FANCM: variants seen among roughly 807,000 people sequenced by gnomAD.
FANCM encodes the protein Fanconi anemia group M protein.
A neutral mutation model predicts 199.5 loss-of-function variants in FANCM; 140 were observed. That is an observed-to-expected ratio of 0.70 (90% CI 0.61 to 0.81). The LOEUF is 0.81. FANCM is among the 30% of genes least tolerant of loss of function. The pLI is 0.00. For synonymous variants in FANCM, 840 were observed against 836.8 expected (o/e 1.00, Z -0.07); for missense variants, 2,410 against 2,421.4 (o/e 1.00, Z 0.10).
chr14:45,198,003 G>A (rs1267606646), intron 21 of FANCM, among the ~76,000 whole-genome samples: 2 of 150,750 alleles, frequency 1.3e-5, no homozygotes, highest in Non-Finnish European at 3.0e-5. Context: ...TCTTGACCTC[G>A]TTATCTTCCT....
intron 20 of FANCM, among the ~76,000 whole-genome samples, chr14:45,190,722 ATT>A (rs796385554): frequency 2.4e-4 from 32 of 135,816 alleles, no homozygotes; most frequent in Admixed American, 3.0e-4. Context: ...AATTGTCCCC[ATT>A]TTTTTTTTTT....
chr14:45,195,161 T>C (rs1401471811), intron 20 of FANCM, among the ~76,000 whole-genome samples: 2 of 152,234 alleles, frequency 1.3e-5, no homozygotes, highest in Non-Finnish European at 2.9e-5. Flanking sequence ...AAATTTGTGT[T>C]TTTCTTTCCA....
At position 45,157,989 on chromosome 14, in the gene FANCM, G is replaced by T. The variant is rs117409135; in HGVS notation, c.1397-1107G>T. 6.1e-3 allele frequency among the ~76,000 whole-genome samples: 924 copies of T among 152,244 alleles called. 7 individuals are homozygous for T. Among genetic ancestry groups the T allele is most frequent in the Non-Finnish European group, 9.6e-3 (650 of 68,024 alleles). Reference sequence around the variant, plus strand: ...AGGTGGGCAGATCTCTTCAGCCCAGGAGTTCGAGACCAGCCTTGGCAACAT... The same window carrying T: ...AGGTGGGCAGATCTCTTCAGCCCAGTAGTTCGAGACCAGCCTTGGCAACAT... On this transcript the variant is annotated intron_variant, in intron 8 of 22. Coordinates refer to ENST00000267430, the MANE Select transcript of FANCM (RefSeq NM_020937.4).
chr14:45,152,060 G>C (rs373024223), intron 5 of FANCM, among the ~76,000 whole-genome samples: 1 of 144,428 alleles, frequency 6.9e-6, no homozygotes, highest in East Asian at 2.0e-4. Flanking sequence ...ACAGAATTTC[G>C]CTCTATTGCC....
chr14:45,189,619 GT>G, intron 20 of FANCM, among the ~76,000 whole-genome samples: 1 of 152,112 alleles, frequency 6.6e-6, no homozygotes, highest in Non-Finnish European at 1.5e-5. Flanking sequence ...TTATTAAAAG[GT>G]TGTGGGAAAA....
Position 45,170,584 on chromosome 14 carries a change from T to C in FANCM, c.2003-5T>C. The stretch of plus-strand genomic sequence containing the variant: ...TCTCTTTTCCATTATTTTTTCAACT[T>C]ATAGGAATGAGGCAAAGTAGCCTAA... On this transcript the variant is annotated splice_region_variant and splice_polypyrimidine_tract_variant and intron_variant, in intron 11 of 22. Coordinates refer to ENST00000267430, the MANE Select transcript of FANCM (RefSeq NM_020937.4). The C allele has an allele frequency of 6.3e-7, 1 of 1,588,154 alleles. No individual in the cohort carries two copies. The highest frequency in any genetic ancestry group is 8.6e-7 in the Non-Finnish European group (1 of 1,157,900).
chr14:45,145,039 C>T (rs1017026864), intron 3 of FANCM, among the ~76,000 whole-genome samples: 1 of 151,900 alleles, frequency 6.6e-6, no homozygotes, highest in East Asian at 1.9e-4. Flanking sequence ...GCTCTTTAGT[C>T]AGCAGGTAAT....
intron 3 of FANCM, among the ~76,000 whole-genome samples, chr14:45,143,690 A>ATTTTTTTT (rs869298490): frequency 8.1e-6 from 1 of 123,970 alleles, no homozygotes; most frequent in African/African-American, 3.3e-5. Flanking sequence ...TTGAGTAAGG[A>ATTTTTTTT]TTTTTTTTTT....
Position 45,159,192 on chromosome 14 carries a change from A to G in FANCM, c.1493A>G (p.Gln498Arg), listed in dbSNP as rs541543025. Reference sequence around the variant, plus strand: ...CAAGAAATTGCAGAAATGCTTTCACAGCATCAGCCAATTATTAGAGTAATG... The same window carrying G: ...CAAGAAATTGCAGAAATGCTTTCACGGCATCAGCCAATTATTAGAGTAATG... ...SVQEIAEMLS[Q>R]HQPIIRVMTF... The change falls in exon 9 of 23, where the codon CAG (glutamine) becomes CGG (arginine). Residue 498 changes from glutamine to arginine, a missense_variant. Coordinates refer to ENST00000267430, the MANE Select transcript of FANCM (RefSeq NM_020937.4). 5.0e-6 allele frequency: 8 copies of G among 1,613,612 alleles called. No homozygotes were observed. The Middle Eastern group carries it at 5.0e-4, about 100-fold the overall frequency.
rs537833024 is a variant in FANCM, at chr14:45,154,783, C to T, written c.1270C>T (p.Arg424Cys). The stretch of plus-strand genomic sequence containing the variant: ...TCTAGAGTGTATGTTTGCACGTACA[C>T]GTAGTACTTCAGCAAATGGTATTTC... Reference protein sequence around the residue: ...NHLECMFARTRSTSANGISAI... With the variant: ...NHLECMFARTCSTSANGISAI... The change falls in exon 7 of 23, where the codon CGT (arginine) becomes TGT (cysteine). Residue 424 changes from arginine (R) to cysteine (C), a missense_variant. Coordinates refer to ENST00000267430, the MANE Select transcript of FANCM (RefSeq NM_020937.4). 67 of 1,606,924 alleles carry T rather than the reference C, an allele frequency of 4.2e-5. 1 individual carries two copies. Among genetic ancestry groups the T allele is most frequent in the Middle Eastern group, 1.7e-4 (1 of 5,848 alleles).
intron 2 of FANCM, 54 bp downstream of exon 2, chr14:45,137,295 T>A (rs1885590653): frequency 4.7e-6 from 7 of 1,492,922 alleles, no homozygotes; most frequent in Non-Finnish European, 6.5e-6. Context: ...TTAAAGAGAA[T>A]TTTGGCGAAT....
At chr14:45,141,287 CAAAAAAAA>C (rs534567010) in intron 3 of FANCM, among the ~76,000 whole-genome samples, 1 of 45,058 alleles carries the variant, frequency 2.2e-5, no homozygotes, top group African/African-American at 7.1e-5. Flanking sequence ...GGCTCCGTCT[CAAAAAAAA>C]AAAAAAAAAA....
intron 10 of FANCM, among the ~76,000 whole-genome samples, chr14:45,166,355 T>A (rs1482979243): frequency 4.6e-5 from 7 of 151,982 alleles, no homozygotes; most frequent in African/African-American, 1.7e-4. Context: ...GCGAGGCTGA[T>A]CTTGAACTCC....
intron 11 of FANCM, 80 bp from the exon 12 acceptor site, chr14:45,170,507 CAG>C (rs1248082574): frequency 1.0e-6 from 1 of 988,818 alleles, no homozygotes; most frequent in East Asian, 2.6e-5. Context: ...ACCTGGGTGA[CAG>C]AGTTTGAATG....
Position 45,175,061 on chromosome 14 carries a change from T to G in FANCM, c.2317-10T>G. 1.9e-6 allele frequency: 3 copies of G among 1,578,876 alleles called. No homozygotes were observed. The highest frequency in any genetic ancestry group is 2.6e-6 in the Non-Finnish European group (3 of 1,150,176). ...TTTCCTGTGGCTTTTTAAATTTTCC[T>G]TATTTATAGGGAGAATGCAGCTATG... On this transcript the variant is annotated splice_polypyrimidine_tract_variant and intron_variant, in intron 13 of 22. Coordinates refer to ENST00000267430, the MANE Select transcript of FANCM (RefSeq NM_020937.4).
intron 10 of FANCM, among the ~76,000 whole-genome samples, chr14:45,165,295 C>T (rs1287871192): frequency 1.3e-5 from 2 of 152,162 alleles, no homozygotes; most frequent in African/African-American, 2.4e-5. Flanking sequence ...TGGTGGCTCA[C>T]GCCTGTAATC....
chr14:45,181,567 C>A, intron 15 of FANCM, 43 bp downstream of exon 15: 2 of 1,511,896 alleles, frequency 1.3e-6, no homozygotes, highest in Non-Finnish European at 1.8e-6. Context: ...ATATCAAAGG[C>A]TATTTTCCTT....
chr14:45,180,537 C>T (rs924699866), intron 14 of FANCM, among the ~76,000 whole-genome samples: 1 of 151,960 alleles, frequency 6.6e-6, no homozygotes, highest in African/African-American at 2.4e-5. Context: ...ACCTCTGTCT[C>T]TTGGGCTCAA....
chr14:45,196,144 A>C, intron 20 of FANCM, 28 bp from the exon 21 acceptor site: 3 of 1,613,692 alleles, frequency 1.9e-6, no homozygotes, highest in Non-Finnish European at 2.5e-6. Flanking sequence ...TTTAACCTGA[A>C]TGTGACCAGT....
Sources: allele counts gnomAD v4.1 joint callset (sites outside exome capture counted in the v4.1 genomes callset), GRCh38; gene constraint gnomAD v4.1.1; transcripts MANE v1.5; gene names NCBI Gene and HGNC (gene_info 2026-07-23, HGNC 2026-07-21).